The following ERC1 variants were observed in gnomAD, a reference collection of about 807,000 sequenced individuals.
ERC1 encodes the protein RAB6 interacting protein 2.
A neutral mutation model predicts 132.0 loss-of-function variants in ERC1; 56 were observed. The observed-to-expected ratio is 0.42, with a 90% confidence interval of 0.34 to 0.53. ERC1 has a LOEUF of 0.53. Among genes scored for constraint, ERC1 ranks in the 20% least tolerant of loss-of-function variants. The pLI, the probability that ERC1 is intolerant of heterozygous loss-of-function variation, is 0.03. For missense variants in ERC1, 1,202 were observed against 1,349.9 expected, an observed-to-expected ratio of 0.89 and a Z score of 1.72; for synonymous variants, 478 against 476.1, an observed-to-expected ratio of 1.00 and a Z score of -0.05.
At chr12:1,278,882 G>T (rs1028493734) in intron 14 of ERC1, among the ~76,000 whole-genome samples, 7 of 151,878 alleles carry the variant, frequency 4.6e-5, no homozygotes, top group Non-Finnish European at 1.0e-4. Flanking sequence ...TTTAGAATAC[G>T]GATAGCCCTA....
intron 15 of ERC1, among the ~76,000 whole-genome samples, chr12:1,325,828 GT>G (rs2082409751): frequency 6.6e-6 from 1 of 152,000 alleles, no homozygotes; most frequent in African/African-American, 2.4e-5. Flanking sequence ...ATATGCACCC[GT>G]TTGTCTATTC....
intron 1 of ERC1, among the ~76,000 whole-genome samples, chr12:1,014,398 A>T (rs1254395305): frequency 2.0e-5 from 3 of 151,718 alleles, no homozygotes; most frequent in Admixed American, 6.6e-5. Flanking sequence ...CTGGTCTCGA[A>T]CTCCTGAGCT....
At chr12:1,169,652 A>G (rs1248685890) in intron 8 of ERC1, among the ~76,000 whole-genome samples, 1 of 152,242 alleles carries the variant, frequency 6.6e-6, no homozygotes, top group Admixed American at 6.5e-5. Context: ...CTTTCAACCC[A>G]TAAAAGTAGA....
chr12:1,062,052 A>G (rs780286434), intron 2 of ERC1, among the ~76,000 whole-genome samples: 4 of 133,794 alleles, frequency 3.0e-5, no homozygotes, highest in South Asian at 2.3e-4. Context: ...GTGCAGTGGC[A>G]TGATCTCGGC....
intron 12 of ERC1, among the ~76,000 whole-genome samples, chr12:1,205,070 G>A (rs747199501): frequency 7.2e-5 from 11 of 152,112 alleles, no homozygotes; most frequent in South Asian, 2.1e-4. Flanking sequence ...GCACTGTAGC[G>A]GAACATATTT....
intron 14 of ERC1, among the ~76,000 whole-genome samples, chr12:1,274,930 T>G (rs916932431): frequency 6.6e-6 from 1 of 152,170 alleles, no homozygotes; most frequent in African/African-American, 2.4e-5. Flanking sequence ...TGGAAATAGT[T>G]TGGCATAGTT....
chr12:1,344,031 C>T (rs1012996161), intron 15 of ERC1, among the ~76,000 whole-genome samples: 3 of 151,996 alleles, frequency 2.0e-5, no homozygotes, highest in East Asian at 1.9e-4. Context: ...TTAGTAGAGA[C>T]GGGGTTTCAC....
chr12:1,311,866 G>A (rs776714991), intron 15 of ERC1, among the ~76,000 whole-genome samples: 5 of 152,132 alleles, frequency 3.3e-5, no homozygotes, highest in Admixed American at 1.3e-4. Flanking sequence ...CTGGATGATA[G>A]GAAATTTGAT....
chr12:1,172,205 C>T (rs747243701), intron 8 of ERC1, among the ~76,000 whole-genome samples: 1 of 152,182 alleles, frequency 6.6e-6, no homozygotes, highest in Non-Finnish European at 1.5e-5. Flanking sequence ...TACAGTGACT[C>T]ACATCTGTAA....
chr12:1,453,198 C>G (rs986858315), intron 18 of ERC1, among the ~76,000 whole-genome samples: 36 of 152,252 alleles, frequency 2.4e-4, no homozygotes, highest in African/African-American at 7.9e-4. Flanking sequence ...ACATCTCCCC[C>G]CTACTCAGCA....
intron 2 of ERC1, among the ~76,000 whole-genome samples, chr12:1,062,444 G>GT (rs150702701): frequency 3.3e-5 from 5 of 151,822 alleles, no homozygotes; most frequent in Non-Finnish European, 5.9e-5. Flanking sequence ...TTCTATTTCG[G>GT]TTTTTTTTCC....
chr12:1,391,021 A>C (rs2089914727), intron 16 of ERC1: 1 of 152,172 alleles, frequency 6.6e-6, no homozygotes, highest in Non-Finnish European at 1.5e-5. Context: ...CTAATTACCT[A>C]ATCCTATTGG....
chr12:1,239,158 C>T (rs1216717032), intron 13 of ERC1, among the ~76,000 whole-genome samples: 1 of 152,208 alleles, frequency 6.6e-6, no homozygotes, highest in South Asian at 2.1e-4. Flanking sequence ...TCACCTAGGC[C>T]GGAGTGCAGT....
chr12:1,017,660 C>T (rs57242706), intron 1 of ERC1, among the ~76,000 whole-genome samples: 2,162 of 151,780 alleles, frequency 0.014, 46 homozygotes, highest in African/African-American at 0.05. Flanking sequence ...TATCACACCC[C>T]GCTAATTTTT....
intron 2 of ERC1, among the ~76,000 whole-genome samples, chr12:1,068,854 G>A (rs1000573821): frequency 6.6e-6 from 1 of 152,134 alleles, no homozygotes; most frequent in Non-Finnish European, 1.5e-5. Context: ...TACGTAGAGC[G>A]TGAAGATGGT....
chr12:1,379,412 C>A (rs764689039), intron 16 of ERC1, among the ~76,000 whole-genome samples: 4 of 152,192 alleles, frequency 2.6e-5, no homozygotes, highest in Non-Finnish European at 5.9e-5. Flanking sequence ...TTTCAGTGAA[C>A]AGCCAATTCA....
At chr12:1,012,436 G>T in intron 1 of ERC1, among the ~76,000 whole-genome samples, 1 of 149,514 alleles carries the variant, frequency 6.7e-6, no homozygotes. Context: ...GATTATAAAT[G>T]TCTGTATTTA....
In ERC1 at chr12:1,303,424, C is replaced by A. The variant is rs532395751; in HGVS notation, c.2780+13412C>A. 3.1e-3 allele frequency among the ~76,000 whole-genome samples: 462 copies of A among 150,022 alleles called. 2 individuals carry two copies. The highest frequency in any genetic ancestry group is 0.022 in the Middle Eastern group (6 of 276). On this transcript the variant is annotated intron_variant, in intron 15 of 18. Coordinates refer to ENST00000360905, the MANE Select transcript of ERC1 (RefSeq NM_178040.4). ...GGCCGAGGCAGGCGGATCACAAGGT[C>A]AGGAGATCGAGACCATCCTGGCTAA...
chr12:1,068,128 C>T (rs1939596518), intron 2 of ERC1, among the ~76,000 whole-genome samples: 1 of 151,900 alleles, frequency 6.6e-6, no homozygotes, highest in South Asian at 2.1e-4. Flanking sequence ...GATGGGTTTT[C>T]TCCATCTTGG....
Sources: allele counts gnomAD v4.1 joint callset (sites outside exome capture counted in the v4.1 genomes callset), GRCh38; gene constraint gnomAD v4.1.1; transcripts MANE v1.5; gene names NCBI Gene and HGNC (gene_info 2026-07-23, HGNC 2026-07-21).